HPD: variants seen among roughly 807,000 people sequenced by gnomAD.
The protein encoded by HPD is 4-hydroxyphenylpyruvate dioxygenase.
In HPD, 35 loss-of-function variants were observed where a neutral mutation model predicts 56.9. The observed-to-expected ratio is 0.62, with a 90% confidence interval of 0.47 to 0.82. The LOEUF is 0.82. Among genes scored for constraint, HPD ranks in the 40% least tolerant of loss-of-function variants. The probability of loss-of-function intolerance (pLI) is 0.00; values close to 1 mark genes in which losing one functional copy is unlikely to be tolerated. For missense variants in HPD, 442 were observed against 506.8 expected (o/e 0.87, Z 1.23); for synonymous variants, 186 against 200.2 (o/e 0.93, Z 0.60).
At chr12:121,862,927 GCC>G (rs1161969636), upstream of HPD, among the ~76,000 whole-genome samples, 2 of 148,786 alleles carry the variant, frequency 1.3e-5, no homozygotes, top group East Asian at 4.1e-4. Context: ...TGATTCGCTC[GCC>G]TTGGCCTCCC....
the HPD span, among the ~76,000 whole-genome samples, chr12:121,873,556 C>G: frequency 1.3e-5 from 2 of 152,208 alleles, no homozygotes; most frequent in African/African-American, 4.8e-5. Context: ...CGGTGGCTCA[C>G]GCCTGTAATC....
intron 12 of HPD, among the ~76,000 whole-genome samples, chr12:121,841,435 G>T (rs1038255106): frequency 6.6e-6 from 1 of 152,136 alleles, no homozygotes; most frequent in Non-Finnish European, 1.5e-5. Flanking sequence ...ATTCCAAAGT[G>T]CATTGAAAAC....
intron 9 of HPD, 28 bp from the exon 10 acceptor site, chr12:121,847,242 G>T: frequency 6.2e-7 from 1 of 1,611,964 alleles, no homozygotes; most frequent in Non-Finnish European, 8.5e-7. Context: ...GAACACATAT[G>T]CTCTGAGCGC....
the HPD span, among the ~76,000 whole-genome samples, chr12:121,884,002 C>T: frequency 1.3e-5 from 2 of 152,198 alleles, no homozygotes; most frequent in East Asian, 3.9e-4. Context: ...ATAATTGCAA[C>T]ATCATTATCT....
chr12:121,887,668 G>T, the HPD span, among the ~76,000 whole-genome samples: 2 of 152,180 alleles, frequency 1.3e-5, no homozygotes, highest in African/African-American at 2.4e-5. Context: ...CACCACACCT[G>T]GCCCATTGCA....
intron 7 of HPD, among the ~76,000 whole-genome samples, chr12:121,852,496 G>T (rs987407677): frequency 6.6e-6 from 1 of 151,632 alleles, no homozygotes; most frequent in Non-Finnish European, 1.5e-5. Context: ...ATCTCAAGGA[G>T]GTAAGAGCTA....
rs1354447471 is a variant in HPD, at chr12:121,839,720, G to A, written c.*8C>T. ...GTGTGGCTGTGGCCTCCGTGGGGTG[G>A]GCGGGGCTTACATGCCGGGCACCAC... On this transcript the variant is annotated 3_prime_UTR_variant, in exon 14 of 14. Coordinates refer to ENST00000289004, the MANE Select transcript of HPD (RefSeq NM_002150.3). 6.3e-7 allele frequency: 1 copy of A among 1,598,534 alleles called. No individual in the cohort carries two copies.
intron 4 of HPD, 190 bp from the exon 5 acceptor site, chr12:121,856,815 C>T (rs1028591464): frequency 3.1e-6 from 2 of 640,162 alleles, no homozygotes; most frequent in African/African-American, 3.6e-5. Flanking sequence ...AGCCAGACCC[C>T]CTCTGGATCC....
At chr12:121,888,434 T>A in the HPD span, among the ~76,000 whole-genome samples, 1 of 152,130 alleles carries the variant, frequency 6.6e-6, no homozygotes, top group Non-Finnish European at 1.5e-5. Context: ...CCTTAATGTA[T>A]TTTGTAAATC....
chr12:121,853,895 C>T (rs1053655172), intron 7 of HPD, among the ~76,000 whole-genome samples: 4 of 151,012 alleles, frequency 2.6e-5, no homozygotes, highest in Non-Finnish European at 5.9e-5. Context: ...TGAGATCACG[C>T]GACTGCACTC....
the HPD span, among the ~76,000 whole-genome samples, chr12:121,887,480 G>C: frequency 1.3e-5 from 2 of 151,844 alleles, no homozygotes; most frequent in Non-Finnish European, 2.9e-5. Context: ...CCAGGGGTTC[G>C]AGACCTCAGC....
intron 8 of HPD, among the ~76,000 whole-genome samples, 179 bp downstream of exon 8, chr12:121,849,508 C>G (rs1877693376): frequency 6.6e-6 from 1 of 152,102 alleles, no homozygotes; most frequent in Non-Finnish European, 1.5e-5. Flanking sequence ...AGTTTGGTTG[C>G]AGAGGCCATG....
upstream of HPD, chr12:121,863,564 C>T (rs1878241686): frequency 6.6e-6 from 1 of 152,098 alleles, no homozygotes; most frequent in South Asian, 2.1e-4. Flanking sequence ...TGCAACTGTC[C>T]CTCAAAAGGC....
intron 6 of HPD, 71 bp from the exon 7 acceptor site, chr12:121,854,863 C>G: frequency 8.2e-7 from 1 of 1,215,178 alleles, no homozygotes; most frequent in South Asian, 1.2e-5. Flanking sequence ...GCTGCTCCTG[C>G]CTGGTGGCCT....
intron 9 of HPD, 94 bp downstream of exon 9, chr12:121,848,905 C>T (rs867797123): frequency 6.3e-6 from 6 of 949,828 alleles, no homozygotes; most frequent in African/African-American, 3.2e-5. Context: ...TGCACCCAGT[C>T]GTATTTTCCA....
At position 121,858,680 on chromosome 12, in the gene HPD, T is replaced by G. The variant is rs986802846; in HGVS notation, c.30+7A>C. The G allele has an allele frequency of 6.2e-7, 1 of 1,613,966 alleles. No homozygotes were observed. Among genetic ancestry groups the G allele is most frequent in the Admixed American group, 1.7e-5 (1 of 59,994 alleles). ...GCCCCTACATTTCCCACATTTCGCC[T>G]GCTTACCTTTGCCCCTTTGTCACTG... On this transcript the variant is annotated splice_region_variant and intron_variant, in intron 2 of 13. Coordinates refer to ENST00000289004, the MANE Select transcript of HPD (RefSeq NM_002150.3).
the HPD span, among the ~76,000 whole-genome samples, chr12:121,886,537 C>A: frequency 6.7e-6 from 1 of 148,924 alleles, no homozygotes; most frequent in Non-Finnish European, 1.5e-5. Context: ...TTTTCTTGAA[C>A]ATGCTTATAC....
At chr12:121,850,130 A>C (rs764270020) in intron 7 of HPD, among the ~76,000 whole-genome samples, 5 of 152,002 alleles carry the variant, frequency 3.3e-5, no homozygotes, top group Non-Finnish European at 7.4e-5. Context: ...ATTAAATTAT[A>C]CTGAAGAGCA....
chr12:121,856,107 C>T (rs1877984816), intron 6 of HPD, among the ~76,000 whole-genome samples: 1 of 152,096 alleles, frequency 6.6e-6, no homozygotes, highest in Non-Finnish European at 1.5e-5. Flanking sequence ...AGGCAGGGCA[C>T]CCCCGGAGCC....
Sources: gnomAD v4.1 joint callset for allele counts (sites outside exome capture counted in the v4.1 genomes callset) on GRCh38, gnomAD v4.1.1 for gene constraint, MANE v1.5 for transcripts, NCBI Gene and HGNC (gene_info 2026-07-23, HGNC 2026-07-21) for gene names.